The following PBX3 variants were observed in gnomAD, a reference collection of about 807,000 sequenced individuals.
PBX3 encodes the protein PBX homeobox 3.
Under a neutral mutation model 48.5 loss-of-function variants are expected in PBX3, and 14 were observed. That is an observed-to-expected ratio of 0.29 (90% confidence interval 0.19 to 0.45). PBX3 has a LOEUF of 0.45. PBX3 is among the 20% of genes least tolerant of loss of function. PBX3 has a pLI of 1.00. For missense variants in PBX3, 386 were observed against 546.7 expected, an observed-to-expected ratio of 0.71 and a Z score of 2.93; for synonymous variants, 210 against 200.3, an observed-to-expected ratio of 1.05 and a Z score of -0.41.
intron 2 of PBX3, among the ~76,000 whole-genome samples, chr9:125,777,768 T>A (rs1196735167): frequency 2.0e-5 from 3 of 152,178 alleles, no homozygotes; most frequent in Non-Finnish European, 4.4e-5. Context: ...TTGTTATAGA[T>A]CTGTTCAGAT....
intron 2 of PBX3, among the ~76,000 whole-genome samples, chr9:125,848,484 T>C (rs1259209197): frequency 6.6e-6 from 1 of 151,996 alleles, no homozygotes; most frequent in Non-Finnish European, 1.5e-5. Flanking sequence ...TCTAGTACTG[T>C]GGTAGATGCA....
At chr9:125,751,619 C>T (rs1836377918) in intron 2 of PBX3, among the ~76,000 whole-genome samples, 1 of 152,156 alleles carries the variant, frequency 6.6e-6, no homozygotes, top group Non-Finnish European at 1.5e-5. Context: ...AAATGTCTCT[C>T]ATTGTTGAAT....
Position 125,960,681 on chromosome 9 carries a change from T to C in PBX3, c.844-3T>C. The C allele has an allele frequency of 6.2e-7, 1 of 1,614,060 alleles. No individual in the cohort carries two copies. ...TTCACCTCCATGTCCCTGCAATTTG[T>C]AGGTATCCAATTGGTTTGGCAACAA... On this transcript the variant is annotated splice_region_variant and splice_polypyrimidine_tract_variant and intron_variant, in intron 5 of 8. Coordinates refer to ENST00000373489, the MANE Select transcript of PBX3 (RefSeq NM_006195.6).
chr9:125,936,389 G>A (rs1256378342), intron 5 of PBX3, among the ~76,000 whole-genome samples: 5 of 152,132 alleles, frequency 3.3e-5, no homozygotes. Flanking sequence ...CATTTGAAGA[G>A]CATTTCTTTA....
At chr9:125,882,152 C>T (rs1436944015) in intron 2 of PBX3, among the ~76,000 whole-genome samples, 1 of 152,028 alleles carries the variant, frequency 6.6e-6, no homozygotes, top group East Asian at 1.9e-4. Context: ...GTTGCTTGAA[C>T]CCAGGAGCTT....
rs1349725234 is a variant in PBX3 at position 125,880,370 on chromosome 9, G to T, written c.275-35316G>T. On this transcript the variant is annotated intron_variant, in intron 2 of 8. Transcript: ENST00000373489. ...CATTATTATTAACTAATTTCAGGTCGCTATAACAGACATAGCAGTGCAACA... is the reference window on the plus strand; with the variant it reads ...CATTATTATTAACTAATTTCAGGTCTCTATAACAGACATAGCAGTGCAACA... Among the ~76,000 whole-genome samples the T allele has an allele frequency of 2.6e-5, 4 of 152,166 alleles. No homozygotes were observed. In the East Asian group the frequency reaches 7.7e-4, roughly 29 times the overall value.
At chr9:125,813,298 CA>C (rs1838350618) in intron 2 of PBX3, among the ~76,000 whole-genome samples, 1 of 151,690 alleles carries the variant, frequency 6.6e-6, no homozygotes, top group African/African-American at 2.4e-5. Flanking sequence ...AAAACCAAGC[CA>C]AACACACATT....
At chr9:125,950,008 A>G (rs1368418056) in intron 5 of PBX3, among the ~76,000 whole-genome samples, 2 of 152,204 alleles carry the variant, frequency 1.3e-5, no homozygotes, top group Non-Finnish European at 1.5e-5. Context: ...CATAGAGCCT[A>G]GGAAGGAAAA....
intron 2 of PBX3, among the ~76,000 whole-genome samples, chr9:125,784,118 G>T (rs977987800): frequency 6.6e-6 from 1 of 152,016 alleles, no homozygotes; most frequent in Admixed American, 6.5e-5. Context: ...TTTCTTGATG[G>T]GTTTCATGGT....
intron 2 of PBX3, among the ~76,000 whole-genome samples, chr9:125,823,687 C>T (rs534646130): frequency 6.6e-6 from 1 of 152,084 alleles, no homozygotes; most frequent in East Asian, 1.9e-4. Context: ...ATGTTTTTAT[C>T]TTGGGGTTTA....
At chr9:125,956,781 C>A (rs532217462) in intron 5 of PBX3, among the ~76,000 whole-genome samples, 7 of 152,226 alleles carry the variant, frequency 4.6e-5, no homozygotes, top group Non-Finnish European at 7.3e-5. Flanking sequence ...CACAGGACAG[C>A]GTAGTCCCTT....
At chr9:125,885,315 A>C (rs1331590321) in intron 2 of PBX3, among the ~76,000 whole-genome samples, 1 of 152,202 alleles carries the variant, frequency 6.6e-6, no homozygotes, top group Non-Finnish European at 1.5e-5. Flanking sequence ...ATTTAGGGCA[A>C]TAGGCTATTT....
At chr9:125,892,544 C>T (rs944606650) in intron 2 of PBX3, among the ~76,000 whole-genome samples, 1 of 152,092 alleles carries the variant, frequency 6.6e-6, no homozygotes, top group Non-Finnish European at 1.5e-5. Context: ...GCTTATGATA[C>T]TATTTCACAT....
intron 2 of PBX3, among the ~76,000 whole-genome samples, chr9:125,773,227 A>C (rs534856945): frequency 6.6e-6 from 1 of 152,324 alleles, no homozygotes; most frequent in Non-Finnish European, 1.5e-5. Context: ...GTTAAAAAAG[A>C]GGAAACAATG....
At chr9:125,786,040 A>AT (rs1391464752) in intron 2 of PBX3, among the ~76,000 whole-genome samples, 5 of 148,642 alleles carry the variant, frequency 3.4e-5, no homozygotes, top group Non-Finnish European at 3.0e-5. Context: ...TTTTCTCTTG[A>AT]TTTTTTGATG....
chr9:125,761,915 G>T (rs985082858), intron 2 of PBX3, among the ~76,000 whole-genome samples: 2 of 152,160 alleles, frequency 1.3e-5, no homozygotes, highest in Non-Finnish European at 2.9e-5. Flanking sequence ...TTCATTAGTT[G>T]CAGAGTTTCA....
chr9:125,902,668 A>G (rs754080030), intron 2 of PBX3, among the ~76,000 whole-genome samples: 14 of 151,668 alleles, frequency 9.2e-5, no homozygotes, highest in Non-Finnish European at 1.5e-4. Context: ...TGCACTTCCA[A>G]ATTTATTTTG....
At chr9:125,957,795 C>G (rs1842340148) in intron 5 of PBX3, among the ~76,000 whole-genome samples, 1 of 152,124 alleles carries the variant, frequency 6.6e-6, no homozygotes, top group Non-Finnish European at 1.5e-5. Context: ...TAAGAAATAC[C>G]AAATTCCCTC....
chr9:125,862,823 C>G (rs1234154121), intron 2 of PBX3, among the ~76,000 whole-genome samples: 1 of 152,112 alleles, frequency 6.6e-6, no homozygotes, highest in East Asian at 1.9e-4. Flanking sequence ...ATGTGAATTA[C>G]TTTTAGGACT....
Sources: allele counts gnomAD v4.1 joint callset (sites outside exome capture counted in the v4.1 genomes callset), GRCh38; gene constraint gnomAD v4.1.1; transcripts MANE v1.5; gene names NCBI Gene and HGNC (gene_info 2026-07-23, HGNC 2026-07-21).